The following PCDHGA1 variants were observed in gnomAD, a reference collection of about 807,000 sequenced individuals.
PCDHGA1 encodes the protein protocadherin gamma subfamily A, 1, also known as protocadherin gamma-A1.
Under a neutral mutation model 58.0 loss-of-function variants are expected in PCDHGA1, and 32 were observed. The ratio of observed to expected loss-of-function variants is 0.55; its 90% confidence interval spans 0.42 to 0.74. The LOEUF is 0.74. PCDHGA1 is among the 30% of genes least tolerant of loss of function. PCDHGA1 has a pLI of 0.00. For synonymous variants in PCDHGA1, 498 were observed against 501.1 expected (o/e 0.99, Z 0.08); for missense variants, 1,205 against 1,182.3 (o/e 1.02, Z -0.28).
chr5:141,385,020 C>T, intron 1 of PCDHGA1: 3 of 1,614,168 alleles, frequency 1.9e-6, no homozygotes, highest in Non-Finnish European at 2.5e-6. Flanking sequence ...TCCTAGCCTT[C>T]GTCCTCGTAC....
intron 1 of PCDHGA1, among the ~76,000 whole-genome samples, chr5:141,406,261 C>T (rs2154537343): frequency 6.6e-6 from 1 of 152,132 alleles, no homozygotes; most frequent in African/African-American, 2.4e-5. Flanking sequence ...CTCAAACGAT[C>T]TTCCTGCTTC....
chr5:141,431,416 C>G lies in PCDHGA1; in HGVS notation c.2422-63391C>G, dbSNP rs778722151. 3 of 1,613,596 alleles carry G rather than the reference C, an allele frequency of 1.9e-6. No homozygotes were observed. The highest frequency in any genetic ancestry group is 2.7e-5 in the African/African-American group (2 of 74,954). On this transcript the variant is annotated intron_variant, in intron 1 of 3. Coordinates refer to ENST00000517417, the MANE Select transcript of PCDHGA1 (RefSeq NM_018912.3). The surrounding 1 kb of genome is among the most constrained non-coding windows in gnomAD (Gnocchi z 4.8). ...TCCTTACGGCCTCCGACGGGGGCGA[C>G]CCGGTGCGCACAGGCACCGCGCGCA...
At chr5:141,440,631 A>C (rs1036203175) in intron 1 of PCDHGA1, 2 of 152,224 alleles carry the variant, frequency 1.3e-5, no homozygotes, top group African/African-American at 4.8e-5. Flanking sequence ...ATGTTGAGAG[A>C]AATTCCTTAC....
At chr5:141,468,597 T>C in intron 1 of PCDHGA1, 1 of 152,224 alleles carries the variant, frequency 6.6e-6, no homozygotes, top group East Asian at 1.9e-4. Context: ...CTGGGCGCGG[T>C]GGCTCACGCC....
rs774140980 is a variant in PCDHGA1, at chr5:141,420,167, T to G, written c.2422-74640T>G. On this transcript the variant is annotated intron_variant, in intron 1 of 3. Transcript: ENST00000517417. ...GAATCCAGAATTTAATTTTTTCACA[T>G]CTGTTGATCATTGTCCAGCCACACA... 3 of 1,614,082 alleles carry G rather than the reference T, an allele frequency of 1.9e-6. No homozygotes were observed. The South Asian group carries it at 3.3e-5, about 18-fold the overall frequency.
intron 1 of PCDHGA1, chr5:141,386,033 G>A (rs1205491473): frequency 1.3e-5 from 2 of 152,154 alleles, no homozygotes; most frequent in Admixed American, 6.6e-5. Flanking sequence ...TTGTGACATA[G>A]GCAATTACAT....
rs561219923 is a variant in PCDHGA1, at chr5:141,357,076, G to T, written c.2421+23971G>T. 18 of 1,613,958 alleles carry T rather than the reference G, an allele frequency of 1.1e-5. No homozygotes were observed. In the East Asian group the frequency reaches 3.6e-4, roughly 32 times the overall value. On this transcript the variant is annotated intron_variant, in intron 1 of 3. Transcript: ENST00000517417. ...TGCAGTGGGGCTGCACACAGGCGAGGTGCGCACCGCACGGGCCCTGCTGGA... is the reference window on the plus strand; with the variant it reads ...TGCAGTGGGGCTGCACACAGGCGAGTTGCGCACCGCACGGGCCCTGCTGGA...
intron 1 of PCDHGA1, chr5:141,339,665 G>C: frequency 3.7e-6 from 6 of 1,614,200 alleles, no homozygotes; most frequent in Non-Finnish European, 5.1e-6. Context: ...CTGCGTGAAG[G>C]TCCTGGATGC....
rs757308340 is a variant in PCDHGA1, at chr5:141,487,575, G to A, written c.2422-7232G>A. ...GCACCTATGGCAGGGGAGCCTGTTC[G>A]CCCAAGCTGCCCACCCTCTGATCTT... On this transcript the variant is annotated intron_variant, in intron 1 of 3. Coordinates refer to ENST00000517417, the MANE Select transcript of PCDHGA1 (RefSeq NM_018912.3). This position sits in a 1 kb window ranked among gnomAD's most constrained non-coding sequence, Gnocchi z 5.0. The A allele has an allele frequency of 3.1e-6, 5 of 1,614,018 alleles. No homozygotes were observed. In the African/African-American group the frequency reaches 4.0e-5, roughly 13 times the overall value.
intron 1 of PCDHGA1, among the ~76,000 whole-genome samples, chr5:141,401,837 A>G (rs1302723544): frequency 6.6e-6 from 1 of 152,198 alleles, no homozygotes; most frequent in Non-Finnish European, 1.5e-5. Context: ...ATTTCTTATA[A>G]TACCACTTAC....
At chr5:141,394,667 G>T in intron 1 of PCDHGA1, 2 of 1,613,252 alleles carry the variant, frequency 1.2e-6, no homozygotes, top group East Asian at 2.2e-5. Flanking sequence ...GACTCTTCTC[G>T]GTGGGTCTGC....
At chr5:141,382,364 T>A (rs919179170) in intron 1 of PCDHGA1, among the ~76,000 whole-genome samples, 6 of 152,264 alleles carry the variant, frequency 3.9e-5, no homozygotes, top group African/African-American at 1.4e-4. Flanking sequence ...AAATAAAATT[T>A]ACCTTTTTGC....
chr5:141,364,173 G>C, intron 1 of PCDHGA1: 1 of 806,624 alleles, frequency 1.2e-6, no homozygotes. Flanking sequence ...ACCCGACTCT[G>C]CTCCCTCCAT....
At chr5:141,408,271 T>C (rs948446189) in intron 1 of PCDHGA1, 7 of 1,610,858 alleles carry the variant, frequency 4.3e-6, no homozygotes, top group Non-Finnish European at 5.9e-6. Context: ...TGCTGCTGCC[T>C]TTGTTCTACC....
At chr5:141,387,829 G>A (rs2091112194) in intron 1 of PCDHGA1, 1 of 1,591,650 alleles carries the variant, frequency 6.3e-7, no homozygotes, top group African/African-American at 1.3e-5. Flanking sequence ...CAATACAGAG[G>A]TTATTTGTAA....
chr5:141,460,924 A>ATATATG (rs1561985817), intron 1 of PCDHGA1, among the ~76,000 whole-genome samples: 1 of 150,496 alleles, frequency 6.6e-6, no homozygotes, highest in African/African-American at 2.4e-5. Flanking sequence ...ATATATATAT[A>ATATATG]TGTGTGTGTG....
In PCDHGA1 at chr5:141,485,770, T is replaced by A. The variant is rs1199757869; in HGVS notation, c.2422-9037T>A. The A allele has an allele frequency of 6.2e-7, 1 of 1,614,180 alleles. No homozygotes were observed. The highest frequency in any genetic ancestry group is 1.1e-5 in the South Asian group (1 of 91,080). On this transcript the variant is annotated intron_variant, in intron 1 of 3. Transcript: ENST00000517417. This position sits in a 1 kb window ranked among gnomAD's most constrained non-coding sequence, Gnocchi z 5.7. ...TCCCAGAGCTGCTCCTGGAGAAGCC[T>A]TTGGATCGAGAGAAGCAATCGGACT... is the stretch of plus-strand genomic sequence containing the variant.
intron 1 of PCDHGA1, chr5:141,417,918 T>C (rs1371704441): frequency 1.2e-6 from 2 of 1,605,528 alleles, no homozygotes; most frequent in Non-Finnish European, 8.5e-7. Context: ...CTATTTCCTT[T>C]GCTGCTGCCT....
At chr5:141,403,749 C>A in intron 1 of PCDHGA1, 1 of 1,613,652 alleles carries the variant, frequency 6.2e-7, no homozygotes, top group African/African-American at 1.3e-5. Context: ...ACTGCAACAG[C>A]CAGCGACCTG....
Sources: allele counts gnomAD v4.1 joint callset (sites outside exome capture counted in the v4.1 genomes callset), GRCh38; gene constraint gnomAD v4.1.1; non-coding constraint Gnocchi (gnomAD v3.1); transcripts MANE v1.5; gene names NCBI Gene and HGNC (gene_info 2026-07-23, HGNC 2026-07-21).